The following THSD7A variants were observed in gnomAD, a reference collection of about 807,000 sequenced individuals.
THSD7A encodes the protein thrombospondin type-1 domain-containing protein 7A.
Under a neutral mutation model 231.3 loss-of-function variants are expected in THSD7A, and 96 were observed. That is an observed-to-expected ratio of 0.41 (90% CI 0.35 to 0.49). The LOEUF is 0.49. Ranked by LOEUF, THSD7A falls within the 20% of genes least tolerant of loss-of-function variation. THSD7A has a pLI of 0.05. For synonymous variants in THSD7A, 940 were observed against 743.3 expected (o/e 1.26, Z -4.30); for missense variants, 2,290 against 2,070.2 (o/e 1.11, Z -2.06).
At chr7:11,721,955 C>T (rs1368094453) in intron 1 of THSD7A, among the ~76,000 whole-genome samples, 3 of 151,774 alleles carry the variant, frequency 2.0e-5, no homozygotes, top group Admixed American at 2.0e-4. Context: ...TTCCCAATTC[C>T]TTTAATACGC....
At chr7:11,457,801 T>C (rs2128297302) in intron 11 of THSD7A, among the ~76,000 whole-genome samples, 1 of 152,232 alleles carries the variant, frequency 6.6e-6, no homozygotes, top group African/African-American at 2.4e-5. Flanking sequence ...ATAGAATTGA[T>C]CTTATCTTGT....
intron 22 of THSD7A, among the ~76,000 whole-genome samples, chr7:11,403,529 T>C (rs1271322772): frequency 6.6e-6 from 1 of 152,182 alleles, no homozygotes; most frequent in Admixed American, 6.5e-5. Context: ...TTTTTAATTA[T>C]GTAGGAAAAC....
chr7:11,378,208 G>A (rs1393684361), intron 26 of THSD7A: 1 of 152,078 alleles, frequency 6.6e-6, no homozygotes, highest in African/African-American at 2.4e-5. Flanking sequence ...TGTTTCTAAT[G>A]GCATTTTAAA....
At chr7:11,473,968 G>C (rs1292143819) in intron 8 of THSD7A, among the ~76,000 whole-genome samples, 2 of 151,980 alleles carry the variant, frequency 1.3e-5, no homozygotes, top group African/African-American at 2.4e-5. Context: ...GTAGCCTACG[G>C]GTATATAGGA....
At chr7:11,602,027 C>G (rs551759453) in intron 2 of THSD7A, among the ~76,000 whole-genome samples, 1 of 152,066 alleles carries the variant, frequency 6.6e-6, no homozygotes, top group African/African-American at 2.4e-5. Context: ...CTTTTTTAGC[C>G]AATGCCAAAG....
In THSD7A at chr7:11,481,808, A is replaced by C. The variant is rs78220688; in HGVS notation, c.1997T>G (p.Leu666Arg). ...CTCACCTTCTTCACCCGCATAGGCC[A>C]GAATGGATCGTGCTCGTATCTGTTT... is the stretch of plus-strand genomic sequence containing the variant. ...EGKQIRARSILAYAGEEGGIR... is the reference protein window; with the variant it reads ...EGKQIRARSIRAYAGEEGGIR... The change falls in exon 7 of 28, where the codon CTG becomes CGG. Residue 666 changes from leucine (L) to arginine (R), a missense_variant. By Grantham distance (102) the Leu-to-Arg change is moderately radical. Transcript: ENST00000423059. 1 of 1,613,232 alleles carries C rather than the reference A, an allele frequency of 6.2e-7. No homozygotes were observed. Among genetic ancestry groups the C allele is most frequent in the Non-Finnish European group, 8.5e-7 (1 of 1,179,392 alleles).
intron 1 of THSD7A, among the ~76,000 whole-genome samples, chr7:11,799,588 G>T (rs1467030227): frequency 6.6e-6 from 1 of 152,024 alleles, no homozygotes; most frequent in Non-Finnish European, 1.5e-5. Context: ...TATGCCTATG[G>T]TATAAATTCA....
intron 1 of THSD7A, among the ~76,000 whole-genome samples, chr7:11,783,428 T>C (rs1042194784): frequency 1.3e-5 from 2 of 152,136 alleles, no homozygotes; most frequent in Admixed American, 6.5e-5. Flanking sequence ...TCTCTCACCA[T>C]TGTAAAGTCA....
intron 1 of THSD7A, among the ~76,000 whole-genome samples, chr7:11,646,272 T>A (rs1635179): frequency 0.79 from 120,240 of 151,922 alleles, 48,001 homozygotes; most frequent in African/African-American, 0.9. Flanking sequence ...AAATAATTAC[T>A]ACAACCAAAA....
chr7:11,619,184 A>G (rs896961910), intron 2 of THSD7A, among the ~76,000 whole-genome samples: 3 of 152,060 alleles, frequency 2.0e-5, no homozygotes, highest in Non-Finnish European at 2.9e-5. Context: ...ACTAAAATAC[A>G]CTGGATTTTC....
At chr7:11,508,059 C>T (rs183437777) in intron 6 of THSD7A, among the ~76,000 whole-genome samples, 29 of 152,172 alleles carry the variant, frequency 1.9e-4, no homozygotes, top group Non-Finnish European at 2.1e-4. Context: ...GAAAAACTGC[C>T]ATTTATAAAA....
intron 17 of THSD7A, among the ~76,000 whole-genome samples, chr7:11,416,518 T>C (rs890775928): frequency 3.9e-5 from 6 of 152,206 alleles, no homozygotes; most frequent in South Asian, 4.1e-4. Flanking sequence ...ACAGTGTAAC[T>C]TGCATTCCAA....
rs144460471 is a variant in THSD7A, at chr7:11,596,841, C to T, written c.1023-3339G>A. 4.5e-3 allele frequency among the ~76,000 whole-genome samples: 683 copies of T among 152,354 alleles called. 2 individuals carry two copies. The highest frequency in any genetic ancestry group is 6.3e-3 in the African/African-American group (261 of 41,584). Reference sequence around the variant, plus strand: ...TTAAGCAAATTAACACATCTCCTGACACCTGGTATGCAGCCATTGACATGG... The same window carrying T: ...TTAAGCAAATTAACACATCTCCTGATACCTGGTATGCAGCCATTGACATGG... On this transcript the variant is annotated intron_variant, in intron 2 of 27. Coordinates refer to ENST00000423059, the MANE Select transcript of THSD7A (RefSeq NM_015204.3).
intron 13 of THSD7A, among the ~76,000 whole-genome samples, chr7:11,432,938 G>A (rs1449387856): frequency 6.6e-6 from 1 of 151,780 alleles, no homozygotes; most frequent in Non-Finnish European, 1.5e-5. Context: ...ATGAAGATTA[G>A]GATACAATGA....
In THSD7A at chr7:11,634,069, A is replaced by G. The variant is rs1230353712; in HGVS notation, c.1022+2061T>C. On this transcript the variant is annotated intron_variant, in intron 2 of 27. Transcript: ENST00000423059. The surrounding 1 kb of genome is among the most constrained non-coding windows in gnomAD (Gnocchi z 4.1). ...ATATCTGAGCAAAACGTAGGTCAAA[A>G]TATCTGATTTTTATCTCTTCTTCTC... Among the ~76,000 whole-genome samples, 1 of 152,142 alleles carries G rather than the reference A, an allele frequency of 6.6e-6. No individual in the cohort carries two copies. Among genetic ancestry groups the G allele is most frequent in the Non-Finnish European group, 1.5e-5 (1 of 68,008 alleles).
rs1391349819 is a variant in THSD7A at position 11,510,745 on chromosome 7, CAACA to C, written c.1823-28767_1823-28764del. Among the ~76,000 whole-genome samples the C allele has an allele frequency of 3.9e-5, 6 of 152,252 alleles. No individual in the cohort carries two copies. The East Asian group carries it at 1.2e-3, about 29-fold the overall frequency. ...AACAGCCCTTCATGCTAAAAACTCT[CAACA>C]AACTAGGTATTGATGGAACGTATCT... On this transcript the variant is annotated intron_variant, in intron 6 of 27. Coordinates refer to ENST00000423059, the MANE Select transcript of THSD7A (RefSeq NM_015204.3).
intron 6 of THSD7A, chr7:11,519,944 A>G (rs1020617002): frequency 1.3e-5 from 2 of 152,164 alleles, no homozygotes; most frequent in African/African-American, 4.8e-5. Flanking sequence ...ATACCAGTAT[A>G]TTCAATTTTT....
Position 11,447,400 on chromosome 7 carries a change from C to G in THSD7A, c.2630G>C (p.Gly877Ala). ...GCACTCATGGATTCCAGCCTGTCCT[C>G]CATCTTGCTTGCGACAAGTAATGGC... is the stretch of plus-strand genomic sequence containing the variant. ...ARAITCRKQD[G>A]GQAGIHECLQ... The change falls in exon 12 of 28, where the codon GGA becomes GCA. Residue 877 changes from glycine (G) to alanine (A), a missense_variant. Physicochemically the swap from Gly to Ala is moderately conservative, Grantham distance 60. Transcript: ENST00000423059. 6.3e-7 allele frequency: 1 copy of G among 1,576,924 alleles called. No homozygotes were observed. The highest frequency in any genetic ancestry group is 1.7e-4 in the Middle Eastern group (1 of 5,860).
intron 1 of THSD7A, among the ~76,000 whole-genome samples, chr7:11,828,036 G>T (rs1027929581): frequency 3.9e-5 from 6 of 152,160 alleles, no homozygotes; most frequent in Non-Finnish European, 7.3e-5. Flanking sequence ...TATTGTCGGA[G>T]TTCTGTTTCC....
Sources: gnomAD v4.1 joint callset for allele counts (sites outside exome capture counted in the v4.1 genomes callset) on GRCh38, gnomAD v4.1.1 for gene constraint, Gnocchi (gnomAD v3.1) non-coding constraint, MANE v1.5 for transcripts, NCBI Gene and HGNC (gene_info 2026-07-23, HGNC 2026-07-21) for gene names.